The following TBC1D12 variants were observed in gnomAD, a reference collection of about 807,000 sequenced individuals.
TBC1D12 encodes the protein TBC1 domain family, member 12.
TBC1D12 carries 56 observed loss-of-function variants against 86.7 expected under a neutral mutation model. The observed-to-expected ratio is 0.65, with a 90% CI of 0.52 to 0.81. TBC1D12 has a LOEUF of 0.81. Among genes scored for constraint, TBC1D12 ranks in the 30% least tolerant of loss-of-function variants. The pLI, the probability that TBC1D12 is intolerant of heterozygous loss-of-function variation, is 0.00. For synonymous variants in TBC1D12, 421 were observed against 411.7 expected, an observed-to-expected ratio of 1.02 and a Z score of -0.27; for missense variants, 1,023 against 1,038.8, an observed-to-expected ratio of 0.98 and a Z score of 0.21.
chr10:94,462,377 A>G (rs1239705887), intron 2 of TBC1D12, among the ~76,000 whole-genome samples: 2 of 152,074 alleles, frequency 1.3e-5, no homozygotes, highest in African/African-American at 4.8e-5. Context: ...GAAATACAGG[A>G]TATTTAGTAG....
At chr10:94,443,790 GT>G (rs1564949054) in intron 2 of TBC1D12, among the ~76,000 whole-genome samples, 1 of 152,162 alleles carries the variant, frequency 6.6e-6, no homozygotes, top group Non-Finnish European at 1.5e-5. Context: ...GGAAATGAGG[GT>G]TATGTCTAAT....
chr10:94,471,023 C>G (rs1316000070), intron 2 of TBC1D12, among the ~76,000 whole-genome samples: 1 of 152,186 alleles, frequency 6.6e-6, no homozygotes, highest in East Asian at 1.9e-4. Context: ...TGCCTGCAGT[C>G]CCAGCACTTT....
intron 1 of TBC1D12, among the ~76,000 whole-genome samples, chr10:94,413,676 A>G (rs899149471): frequency 6.6e-6 from 1 of 151,986 alleles, no homozygotes; most frequent in Non-Finnish European, 1.5e-5. Context: ...CTTCTTACTT[A>G]GAGCTAGTTT....
In TBC1D12 at chr10:94,402,590, G is replaced by C; in HGVS notation, c.-24G>C. ...CGCCTGTAGTCCTTCTTTGCCTCCT[G>C]GGGCGGCCGCCACCCACCCCCAGAT... is the stretch of plus-strand genomic sequence containing the variant. On this transcript the variant is annotated 5_prime_UTR_variant, in exon 1 of 13. Transcript: ENST00000225235. 6.2e-7 allele frequency: 1 copy of C among 1,609,614 alleles called. No individual in the cohort carries two copies. The highest frequency in any genetic ancestry group is 8.5e-7 in the Non-Finnish European group (1 of 1,178,314).
chr10:94,402,866 C>A lies in TBC1D12; in HGVS notation c.253C>A (p.Leu85Ile). The change falls in exon 1 of 13, where the codon CTC (leucine) becomes ATC (isoleucine). Residue 85 changes from leucine to isoleucine, a missense_variant. Around this residue, in one of 2 missense-constraint regions of TBC1D12, gnomAD observed 628 missense variants for 531.1 expected, o/e 1.18. Transcript: ENST00000225235. ...GGCCGGGGAGCAGCTGGAGCCGGGG[C>A]TCTGCTACTGTCCGCTCCCCGCTGG... ...AAAGEQLEPGLCYCPLPAGQA... is the reference protein window; with the variant it reads ...AAAGEQLEPGICYCPLPAGQA... The A allele has an allele frequency of 6.6e-7, 1 of 1,526,296 alleles. No homozygotes were observed. Among genetic ancestry groups the A allele is most frequent in the South Asian group, 1.2e-5 (1 of 80,564 alleles). The allele number at this position is 1,526,296 out of a possible 1,614,324, so 94.5% of individuals were successfully genotyped here. A position where few individuals can be genotyped will look rare whatever the true frequency, so the allele number is the denominator to read the frequency against.
At chr10:94,532,940 T>C in intron 12 of TBC1D12, 88 bp from the exon 13 acceptor site, 1 of 757,324 alleles carries the variant, frequency 1.3e-6, no homozygotes, top group Admixed American at 3.2e-5. Flanking sequence ...AATAAAGCTT[T>C]TTCATGTTTA....
intron 1 of TBC1D12, among the ~76,000 whole-genome samples, chr10:94,430,011 CA>C (rs1002787974): frequency 1.3e-5 from 2 of 152,162 alleles, no homozygotes; most frequent in Non-Finnish European, 1.5e-5. Context: ...GCTGGTATTA[CA>C]GGTGTGAGTC....
chr10:94,501,838 G>A (rs1204609153), intron 6 of TBC1D12, among the ~76,000 whole-genome samples: 6 of 151,896 alleles, frequency 4.0e-5, no homozygotes, highest in East Asian at 2.0e-4. Context: ...GTAAGCCACC[G>A]TGCCTGGCTT....
chr10:94,435,171 T>C (rs897870643), intron 1 of TBC1D12, among the ~76,000 whole-genome samples: 1 of 152,236 alleles, frequency 6.6e-6, no homozygotes, highest in Non-Finnish European at 1.5e-5. Flanking sequence ...AATGTTGTTA[T>C]ATATGTATTC....
chr10:94,442,552 A>T (rs540339000), intron 2 of TBC1D12, among the ~76,000 whole-genome samples: 1 of 152,198 alleles, frequency 6.6e-6, no homozygotes, highest in South Asian at 2.1e-4. Flanking sequence ...TTCTTCTGAT[A>T]TCTCTGTTAA....
chr10:94,534,208 T>C lies in TBC1D12; in HGVS notation c.*1112T>C, dbSNP rs967178722. 7.2e-5 allele frequency: 11 copies of C among 152,234 alleles called. No homozygotes were observed. The highest frequency in any genetic ancestry group is 2.1e-4 in the South Asian group (1 of 4,834). 9.4% of individuals were successfully genotyped at this position (152,234 alleles called of 1,614,324 possible). ...CTGGGTAAGGAGATTAGTCTTGTTA[T>C]TGATTCTTTTATGTGTCAGTGCCAT... On this transcript the variant is annotated 3_prime_UTR_variant, in exon 13 of 13. Transcript: ENST00000225235.
At chr10:94,468,841 AT>A (rs564965551) in intron 2 of TBC1D12, among the ~76,000 whole-genome samples, 29 of 151,964 alleles carry the variant, frequency 1.9e-4, no homozygotes, top group African/African-American at 6.3e-4. Flanking sequence ...TATTTCTTCA[AT>A]TTTTTTCCCT....
chr10:94,453,063 C>T (rs985942834), intron 2 of TBC1D12, among the ~76,000 whole-genome samples: 1 of 152,150 alleles, frequency 6.6e-6, no homozygotes, highest in Non-Finnish European at 1.5e-5. Context: ...TGCTTACTTG[C>T]CATCTGTATA....
At chr10:94,447,109 C>T (rs1436378514) in intron 2 of TBC1D12, among the ~76,000 whole-genome samples, 1 of 139,144 alleles carries the variant, frequency 7.2e-6, no homozygotes, top group Non-Finnish European at 1.6e-5. Context: ...ACACAAATAA[C>T]ACATGATTAT....
chr10:94,402,659 A>C lies in TBC1D12; in HGVS notation c.46A>C (p.Lys16Gln), dbSNP rs1462610456. Reference sequence around the variant, plus strand: ...CGGAGCCTGCTCGGGAAGAAACCCCAAGTTGCTCCCGGTGCCTGCGCCGGA... The same window carrying C: ...CGGAGCCTGCTCGGGAAGAAACCCCCAGTTGCTCCCGGTGCCTGCGCCGGA... ...DAGACSGRNP[K>Q]LLPVPAPDPV... Residue 16 changes from lysine (K) to glutamine (Q), a missense_variant, in exon 1 of 13, where the codon AAG (lysine) becomes CAG (glutamine). By Grantham distance (53) the Lys-to-Gln change is moderately conservative. Around this residue, in one of 2 missense-constraint regions of TBC1D12, gnomAD observed 628 missense variants for 531.1 expected, o/e 1.18. Coordinates refer to ENST00000225235, the MANE Select transcript of TBC1D12 (RefSeq NM_015188.2). 3.1e-6 allele frequency: 5 copies of C among 1,611,214 alleles called. No individual in the cohort carries two copies. In the South Asian group the frequency reaches 5.5e-5, roughly 18 times the overall value.
chr10:94,511,437 C>A (rs1329220542), intron 8 of TBC1D12, 146 bp from the exon 9 acceptor site: 1 of 632,348 alleles, frequency 1.6e-6, no homozygotes, highest in Non-Finnish European at 2.8e-6. Context: ...TGGAAAACAT[C>A]TTGGCAGAGT....
At chr10:94,458,404 A>C (rs1283929904) in intron 2 of TBC1D12, among the ~76,000 whole-genome samples, 1 of 152,186 alleles carries the variant, frequency 6.6e-6, no homozygotes, top group Non-Finnish European at 1.5e-5. Flanking sequence ...TAACTGTAAG[A>C]AATAAATTCT....
At chr10:94,418,509 G>C (rs956932681) in intron 1 of TBC1D12, among the ~76,000 whole-genome samples, 1 of 151,928 alleles carries the variant, frequency 6.6e-6, no homozygotes, top group Non-Finnish European at 1.5e-5. Flanking sequence ...AATTTCTGTA[G>C]AACTAGATAT....
chr10:94,447,157 C>A (rs1187854480), intron 2 of TBC1D12, among the ~76,000 whole-genome samples: 1 of 150,350 alleles, frequency 6.7e-6, no homozygotes, highest in Non-Finnish European at 1.5e-5. Flanking sequence ...AATGATATAT[C>A]TCAGTTCACT....
Sources: allele counts gnomAD v4.1 joint callset (sites outside exome capture counted in the v4.1 genomes callset), GRCh38; gene constraint gnomAD v4.1.1; regional missense constraint gnomAD v4.1.1; transcripts MANE v1.5; gene names NCBI Gene and HGNC (gene_info 2026-07-23, HGNC 2026-07-21).